Variants in CDH4 observed in about 807,000 individuals in gnomAD.
CDH4 encodes the protein cadherin 4, also known as cadherin-4.
A neutral mutation model predicts 86.0 loss-of-function variants in CDH4; 33 were observed. The ratio of observed to expected loss-of-function variants is 0.38; its 90% confidence interval spans 0.29 to 0.51. The LOEUF is 0.51. Ranked by LOEUF, CDH4 falls within the 20% of genes least tolerant of loss-of-function variation. CDH4 has a pLI of 0.86. For missense variants in CDH4, 1,114 were observed against 1,307.4 expected (o/e 0.85, Z 2.28); for synonymous variants, 555 against 549.4 (o/e 1.01, Z -0.14).
chr20:61,287,015 G>A (rs138524490), intron 2 of CDH4, among the ~76,000 whole-genome samples: 8 of 152,336 alleles, frequency 5.3e-5, no homozygotes, highest in Middle Eastern at 3.4e-3. Flanking sequence ...AGTGGGACAC[G>A]AATCCCCCAG....
chr20:61,768,159 G>A (rs887656017), intron 3 of CDH4, among the ~76,000 whole-genome samples: 6 of 152,178 alleles, frequency 3.9e-5, no homozygotes, highest in African/African-American at 1.2e-4. Context: ...CTGCTGGGCT[G>A]TTGGTTTTGA....
rs150363044 is a variant in CDH4 at position 61,732,409 on chromosome 20, C to T, written c.170-11154C>T. Among the ~76,000 whole-genome samples the T allele has an allele frequency of 2.4e-3, 363 of 152,212 alleles. 3 individuals are homozygous for T. Among genetic ancestry groups the T allele is most frequent in the African/African-American group, 8.2e-3 (342 of 41,530 alleles). Reference sequence around the variant, plus strand: ...AATCCAGAAATCGTACTGGGGCTCCCGGAGCCCACAGGCACTGCCCCATCC... The same window carrying T: ...AATCCAGAAATCGTACTGGGGCTCCTGGAGCCCACAGGCACTGCCCCATCC... On this transcript the variant is annotated intron_variant, in intron 2 of 15. Transcript: ENST00000614565.
intron 2 of CDH4, among the ~76,000 whole-genome samples, chr20:61,432,322 C>T (rs1158076642): frequency 6.6e-6 from 1 of 152,166 alleles, no homozygotes; most frequent in Non-Finnish European, 1.5e-5. Context: ...TAAATTATGG[C>T]CATTCTAGTG....
At chr20:61,654,690 G>A (rs938471318) in intron 2 of CDH4, among the ~76,000 whole-genome samples, 1 of 152,254 alleles carries the variant, frequency 6.6e-6, no homozygotes, top group African/African-American at 2.4e-5. Context: ...AGTTTACAAA[G>A]GAAATTAAGT....
At chr20:61,789,518 A>G (rs559519781) in intron 4 of CDH4, among the ~76,000 whole-genome samples, 1 of 152,326 alleles carries the variant, frequency 6.6e-6, no homozygotes, top group South Asian at 2.1e-4. Context: ...TCCCTGGAGG[A>G]CAAAACCAGT....
At chr20:61,924,550 G>C in intron 11 of CDH4, 74 bp downstream of exon 11, 1 of 1,524,062 alleles carries the variant, frequency 6.6e-7, no homozygotes, top group Non-Finnish European at 8.9e-7. Context: ...GAGGGAGGGT[G>C]CTGGCCAGGG....
At chr20:61,812,698 T>C (rs936656623) in intron 4 of CDH4, among the ~76,000 whole-genome samples, 12 of 152,258 alleles carry the variant, frequency 7.9e-5, no homozygotes, top group African/African-American at 2.2e-4. Context: ...GCCAACGCCC[T>C]TTGGGGATAA....
chr20:61,513,748 C>A (rs772792012), intron 2 of CDH4, among the ~76,000 whole-genome samples: 2 of 152,162 alleles, frequency 1.3e-5, no homozygotes, highest in South Asian at 4.1e-4. Context: ...AGGTGAGAAG[C>A]GACCACCCCT....
chr20:61,586,003 G>A (rs909088787), intron 2 of CDH4, among the ~76,000 whole-genome samples: 1 of 139,890 alleles, frequency 7.1e-6, no homozygotes, highest in African/African-American at 2.7e-5. Context: ...GATGATGATG[G>A]TGATGGTGAT....
At chr20:61,883,356 C>G (rs1465583161) in intron 7 of CDH4, among the ~76,000 whole-genome samples, 2 of 152,232 alleles carry the variant, frequency 1.3e-5, no homozygotes, top group East Asian at 3.8e-4. Flanking sequence ...ATGCTTCCAA[C>G]CTAGGGCGAC....
chr20:61,489,257 T>A (rs1326888543), intron 2 of CDH4, among the ~76,000 whole-genome samples: 10 of 152,220 alleles, frequency 6.6e-5, no homozygotes, highest in Non-Finnish European at 1.5e-4. Flanking sequence ...CTCTCCTGTT[T>A]GAGCAGATAG....
intron 2 of CDH4, among the ~76,000 whole-genome samples, chr20:61,657,878 G>A (rs556314290): frequency 5.9e-5 from 9 of 152,254 alleles, no homozygotes; most frequent in Admixed American, 3.9e-4. Context: ...TTTGTGCTAC[G>A]TCACGGTGCC....
intron 2 of CDH4, among the ~76,000 whole-genome samples, chr20:61,324,900 A>G (rs1007798355): frequency 2.0e-5 from 3 of 152,188 alleles, no homozygotes; most frequent in Non-Finnish European, 4.4e-5. Flanking sequence ...CTGGGAGGCC[A>G]TCAAATAAGG....
chr20:61,830,013 T>C (rs1301443907), intron 4 of CDH4, among the ~76,000 whole-genome samples: 2 of 152,032 alleles, frequency 1.3e-5, no homozygotes, highest in African/African-American at 4.8e-5. Flanking sequence ...TGGAAACCCT[T>C]GCAGGCCCCA....
intron 2 of CDH4, among the ~76,000 whole-genome samples, chr20:61,730,208 C>T (rs1286110577): frequency 2.0e-5 from 3 of 152,078 alleles, no homozygotes; most frequent in Non-Finnish European, 4.4e-5. Flanking sequence ...GTGGCGGATT[C>T]GTGGGTTTGG....
At position 61,644,924 on chromosome 20, in the gene CDH4, G is replaced by A. The variant is rs565328163; in HGVS notation, c.170-98639G>A. Among the ~76,000 whole-genome samples the A allele has an allele frequency of 7.5e-4, 114 of 152,356 alleles. 1 individual carries two copies. Among genetic ancestry groups the A allele is most frequent in the African/African-American group, 2.6e-3 (109 of 41,594 alleles). The stretch of plus-strand genomic sequence containing the variant: ...GAGGAGTCGCTGAGTCGTGCGGCCT[G>A]AGGAAGGGACCCCGTCAGCCGACTC... On this transcript the variant is annotated intron_variant, in intron 2 of 15. Transcript: ENST00000614565.
chr20:61,565,328 G>C lies in CDH4; in HGVS notation c.170-178235G>C, dbSNP rs1229163349. On this transcript the variant is annotated intron_variant, in intron 2 of 15. Transcript: ENST00000614565. ...GCTCTTGGTGGTGGCGGTGCTCTTG[G>C]TGATGGTGGTAGTGGTCCTCTTGGT... 3.2e-5 allele frequency among the ~76,000 whole-genome samples: 2 copies of C among 62,354 alleles called. 1 individual carries two copies. Among genetic ancestry groups the C allele is most frequent in the Non-Finnish European group, 7.5e-5 (2 of 26,666 alleles). The allele number at this position is 62,354 out of a possible 152,430, so 40.9% of individuals were successfully genotyped here. A position where few individuals can be genotyped will look rare whatever the true frequency, so the allele number is the denominator to read the frequency against.
intron 6 of CDH4, among the ~76,000 whole-genome samples, chr20:61,873,119 G>T (rs1983876431): frequency 6.6e-6 from 1 of 152,228 alleles, no homozygotes; most frequent in African/African-American, 2.4e-5. Context: ...AGCTCACCGA[G>T]CCCCTCTGAA....
At chr20:61,660,019 C>T (rs1011314517) in intron 2 of CDH4, among the ~76,000 whole-genome samples, 2 of 151,796 alleles carry the variant, frequency 1.3e-5, no homozygotes, top group Admixed American at 6.6e-5. Flanking sequence ...TGGACTCCTG[C>T]TTTTCCGGCT....
Sources: gnomAD v4.1 joint callset for allele counts (sites outside exome capture counted in the v4.1 genomes callset) on GRCh38, gnomAD v4.1.1 for gene constraint, MANE v1.5 for transcripts, NCBI Gene and HGNC (gene_info 2026-07-23, HGNC 2026-07-21) for gene names.